Variants in BLK observed in about 807,000 individuals in gnomAD.
The protein encoded by BLK is tyrosine-protein kinase Blk.
A neutral mutation model predicts 61.8 loss-of-function variants in BLK; 64 were observed. That is an observed-to-expected ratio of 1.03 (90% confidence interval 0.85 to 1.27). The LOEUF is 1.27. BLK is among the 50% of genes most tolerant of loss of function. BLK has a pLI of 0.00. For synonymous variants in BLK, 351 were observed against 272.0 expected (o/e 1.29, Z -2.86); for missense variants, 853 against 660.5 (o/e 1.29, Z -3.19).
intron 1 of BLK, chr8:11,509,660 G>A (rs1414134118): frequency 6.6e-6 from 1 of 152,180 alleles, no homozygotes; most frequent in East Asian, 1.9e-4. Flanking sequence ...GAAAGAGCTG[G>A]ACCACTTAGA....
intron 1 of BLK, among the ~76,000 whole-genome samples, chr8:11,541,599 G>A (rs1349452403): frequency 1.3e-5 from 2 of 151,786 alleles, no homozygotes; most frequent in Admixed American, 6.6e-5. Flanking sequence ...CTGGGTTCAA[G>A]TGATTCTTTT....
chr8:11,546,296 T>C (rs1442320479), intron 3 of BLK, among the ~76,000 whole-genome samples, 193 bp downstream of exon 3: 3 of 152,220 alleles, frequency 2.0e-5, no homozygotes, highest in Non-Finnish European at 4.4e-5. Flanking sequence ...TTCTTCAGTA[T>C]GCCTGAGCCT....
rs1801316208 is a variant in BLK at position 11,558,003 on chromosome 8, T to C, written c.994T>C (p.Leu332=). The C allele has an allele frequency of 3.7e-6, 6 of 1,614,070 alleles. No homozygotes were observed. The highest frequency in any genetic ancestry group is 1.3e-5 in the African/African-American group (1 of 75,040). ...DFLKTDEGSR[L]SLPRLIDMSA... ...CCTGAAGACAGATGAAGGGAGCAGA[T>C]TGTCACTCCCAAGGCTGATTGACAT... is the stretch of plus-strand genomic sequence containing the variant. Residue 332 remains leucine, a synonymous_variant, in exon 10 of 13, where the codon TTG becomes CTG. Coordinates refer to ENST00000259089, the MANE Select transcript of BLK (RefSeq NM_001715.3).
intron 1 of BLK, 22 bp downstream of exon 1, chr8:11,494,613 G>A (rs1798297621): frequency 6.6e-6 from 1 of 152,274 alleles, no homozygotes; most frequent in East Asian, 1.9e-4. Flanking sequence ...CGTCTTCCGG[G>A]TTCTTTATCG....
intron 10 of BLK, chr8:11,560,368 T>G (rs1284447808): frequency 4.7e-6 from 1 of 212,870 alleles, no homozygotes; most frequent in African/African-American, 2.4e-5. Context: ...TGTTGATGGA[T>G]GGATGGGTGG....
rs968191701 is a variant in BLK at position 11,555,245 on chromosome 8, G to A, written c.620-87G>A. ...CAGGGGGTGGGGTGGCTGGGGAGTG[G>A]AGGGCCAGCTAGGAATGATACAGCT... On this transcript the variant is annotated intron_variant, in intron 7 of 12. Coordinates refer to ENST00000259089, the MANE Select transcript of BLK (RefSeq NM_001715.3). 3.2e-6 allele frequency: 5 copies of A among 1,579,268 alleles called. No homozygotes were observed. In the African/African-American group the frequency reaches 5.4e-5, roughly 17 times the overall value.
chr8:11,564,189 G>T lies in BLK; in HGVS notation c.*81G>T. 1 of 1,479,998 alleles carries T rather than the reference G, an allele frequency of 6.8e-7. No individual in the cohort carries two copies. Among genetic ancestry groups the T allele is most frequent in the Non-Finnish European group, 9.1e-7 (1 of 1,098,318 alleles). 91.7% of individuals were successfully genotyped at this position (1,479,998 alleles called of 1,614,324 possible). On this transcript the variant is annotated 3_prime_UTR_variant, in exon 13 of 13. Transcript: ENST00000259089. Reference sequence around the variant, plus strand: ...CGTGCCATCCCAGACGGGCCGCGAAGGCGGGGTGTCGCCTGTGCCCTTTTC... The same window carrying T: ...CGTGCCATCCCAGACGGGCCGCGAATGCGGGGTGTCGCCTGTGCCCTTTTC...
At chr8:11,545,809 T>C (rs1800607324) in intron 2 of BLK, 1 of 567,206 alleles carries the variant, frequency 1.8e-6, no homozygotes, top group South Asian at 2.0e-5. Context: ...AGCTGTCTCA[T>C]ATCCACATTG....
At position 11,563,126 on chromosome 8, in the gene BLK, C is replaced by G; in HGVS notation, c.1312+16C>G. On this transcript the variant is annotated intron_variant, in intron 12 of 12. Transcript: ENST00000259089. ...CCATACCCAGGTAGGTGGCTCACCCCGCAGCTCGCGGCTCCCTGCTTTCCC... is the reference window on the plus strand; with the variant it reads ...CCATACCCAGGTAGGTGGCTCACCCGGCAGCTCGCGGCTCCCTGCTTTCCC... 1 of 1,613,520 alleles carries G rather than the reference C, an allele frequency of 6.2e-7. No homozygotes were observed. Among genetic ancestry groups the G allele is most frequent in the Admixed American group, 1.7e-5 (1 of 60,030 alleles).
Position 11,555,510 on chromosome 8 carries a change from T to C in BLK, c.772+26T>C, listed in dbSNP as rs763397385. The C allele has an allele frequency of 2.5e-6, 4 of 1,613,820 alleles. No individual in the cohort carries two copies. The South Asian group carries it at 4.4e-5, about 18-fold the overall frequency. On this transcript the variant is annotated intron_variant, in intron 8 of 12. Coordinates refer to ENST00000259089, the MANE Select transcript of BLK (RefSeq NM_001715.3). ...GTGAGTGTGTGCACACGTGGGAGCA[T>C]TTCTCCCCCCATTCCACCTGCGCCG...
chr8:11,553,484 G>A, intron 6 of BLK: 1 of 387,626 alleles, frequency 2.6e-6, no homozygotes, highest in South Asian at 1.9e-5. Flanking sequence ...AGAGCAGCCA[G>A]GCAAGTGAGG....
At chr8:11,535,218 A>AAG (rs1563102189) in intron 1 of BLK, among the ~76,000 whole-genome samples, 2 of 115,798 alleles carry the variant, frequency 1.7e-5, no homozygotes, top group Non-Finnish European at 4.1e-5. Flanking sequence ...AAAGAAAGAG[A>AAG]GAGAAAGAAA....
chr8:11,528,992 C>T (rs1799784719), intron 1 of BLK, among the ~76,000 whole-genome samples: 1 of 152,136 alleles, frequency 6.6e-6, no homozygotes, highest in South Asian at 2.1e-4. Flanking sequence ...CTAATGGATG[C>T]TGGACCGAAT....
At chr8:11,539,990 C>T (rs968958520) in intron 1 of BLK, among the ~76,000 whole-genome samples, 69 of 152,248 alleles carry the variant, frequency 4.5e-4, no homozygotes, top group African/African-American at 1.5e-3. Flanking sequence ...CAATCTATTG[C>T]TTATCTACGA....
At chr8:11,539,999 G>T (rs1422421220) in intron 1 of BLK, among the ~76,000 whole-genome samples, 2 of 151,980 alleles carry the variant, frequency 1.3e-5, no homozygotes, top group Non-Finnish European at 2.9e-5. Context: ...GCTTATCTAC[G>T]AACTTCATGA....
At chr8:11,550,130 G>A (rs757428982) in intron 5 of BLK, 29 bp from the exon 6 acceptor site, 1 of 1,600,184 alleles carries the variant, frequency 6.2e-7, no homozygotes, top group Non-Finnish European at 8.6e-7. Flanking sequence ...GGGTCGCTCT[G>A]AGTTTCACCT....
intron 10 of BLK, 110 bp from the exon 11 acceptor site, chr8:11,561,192 A>G (rs1474488611): frequency 6.9e-7 from 1 of 1,459,054 alleles, no homozygotes; most frequent in Non-Finnish European, 9.4e-7. Context: ...CCATCCAAGA[A>G]ACAGCTCCTT....
intron 1 of BLK, among the ~76,000 whole-genome samples, chr8:11,503,872 G>A (rs781378639): frequency 2.6e-5 from 4 of 152,136 alleles, no homozygotes; most frequent in South Asian, 2.1e-4. Context: ...TCCAGGTTCC[G>A]GCACTCCACG....
At chr8:11,516,961 T>C (rs935306690) in intron 1 of BLK, among the ~76,000 whole-genome samples, 4 of 152,344 alleles carry the variant, frequency 2.6e-5, no homozygotes, top group African/African-American at 7.2e-5. Flanking sequence ...TGCTGGATCA[T>C]ATGGTAATTC....
Sources: allele counts gnomAD v4.1 joint callset (sites outside exome capture counted in the v4.1 genomes callset), GRCh38; gene constraint gnomAD v4.1.1; transcripts MANE v1.5; gene names NCBI Gene and HGNC (gene_info 2026-07-23, HGNC 2026-07-21).